PDZRN3: variants seen among roughly 807,000 people sequenced by gnomAD.
PDZRN3 encodes PDZ domain containing ring finger 3.
A neutral mutation model predicts 85.7 loss-of-function variants in PDZRN3; 38 were observed. That is an observed-to-expected ratio of 0.44 (90% CI 0.34 to 0.58). The LOEUF (loss-of-function observed/expected upper bound fraction) is 0.58. PDZRN3 is among the 20% of genes least tolerant of loss of function. PDZRN3 has a pLI of 0.01. For synonymous variants in PDZRN3, 759 were observed against 638.0 expected, an observed-to-expected ratio of 1.19 and a Z score of -2.86; for missense variants, 1,629 against 1,506.4, an observed-to-expected ratio of 1.08 and a Z score of -1.35.
At chr3:73,535,815 T>C (rs1704771691) in intron 3 of PDZRN3, among the ~76,000 whole-genome samples, 2 of 152,210 alleles carry the variant, frequency 1.3e-5, no homozygotes, top group South Asian at 4.1e-4. Context: ...ATACCATTTA[T>C]TACGCACCCA....
Position 73,383,785 on chromosome 3 carries a change from G to A in PDZRN3, c.2781C>T (p.Ser927=), listed in dbSNP as rs762491376. The change falls in exon 10 of 10, where the codon AGC becomes AGT. Residue 927 remains serine (S), a synonymous_variant. Transcript: ENST00000263666. ...TCTTGGTGATGTAGCGCGTCCCGTC[G>A]CTGCGGATCTTCACCTTCCACTCCA... ...PRMEWKVKIR[S]DGTRYITKRP... 5.6e-6 allele frequency: 9 copies of A among 1,613,400 alleles called. No individual in the cohort carries two copies. The highest frequency in any genetic ancestry group is 1.1e-5 in the South Asian group (1 of 91,068).
At chr3:73,536,253 A>G (rs1195349068) in intron 3 of PDZRN3, among the ~76,000 whole-genome samples, 1 of 152,244 alleles carries the variant, frequency 6.6e-6, no homozygotes, top group Non-Finnish European at 1.5e-5. Context: ...TTGAATTAAT[A>G]AAATATCAAG....
At chr3:73,489,581 T>TTTTTTTTTTTTTTTTTTTTTG in intron 3 of PDZRN3, among the ~76,000 whole-genome samples, 1 of 132,892 alleles carries the variant, frequency 7.5e-6, no homozygotes, top group Non-Finnish European at 1.6e-5. Flanking sequence ...TTTTCTTTTT[T>TTTTTTTTTTTTTTTTTTTTTG]TTTTTTTTTG....
chr3:73,398,208 C>T (rs539224519), intron 5 of PDZRN3, among the ~76,000 whole-genome samples: 6 of 152,250 alleles, frequency 3.9e-5, no homozygotes, highest in African/African-American at 7.2e-5. Flanking sequence ...CACATGCCTA[C>T]GAGGGGCTCA....
At chr3:73,470,335 C>A (rs1440753666) in intron 3 of PDZRN3, among the ~76,000 whole-genome samples, 1 of 152,080 alleles carries the variant, frequency 6.6e-6, no homozygotes, top group African/African-American at 2.4e-5. Flanking sequence ...TAAAATTATA[C>A]CAGTGTGGTC....
intron 3 of PDZRN3, among the ~76,000 whole-genome samples, chr3:73,575,954 A>G (rs1702116849): frequency 2.0e-5 from 3 of 152,210 alleles, no homozygotes; most frequent in African/African-American, 7.2e-5. Context: ...GAAATATCAT[A>G]GAAAGAGAGA....
chr3:73,437,223 T>C (rs1166315320), intron 3 of PDZRN3, among the ~76,000 whole-genome samples: 4 of 152,116 alleles, frequency 2.6e-5, no homozygotes, highest in Admixed American at 2.0e-4. Context: ...TTTTATGAAA[T>C]GACTATATTT....
intron 4 of PDZRN3, among the ~76,000 whole-genome samples, chr3:73,402,703 T>C (rs1701773187): frequency 1.3e-5 from 2 of 152,148 alleles, no homozygotes; most frequent in Non-Finnish European, 2.9e-5. Flanking sequence ...CAAGCCTTTA[T>C]CCAGAACTTG....
In PDZRN3 at chr3:73,384,514, C is replaced by T. The variant is rs750175804; in HGVS notation, c.2052G>A (p.Glu684=). Residue 684 remains glutamate, a synonymous_variant, in exon 10 of 10, where the codon GAG becomes GAA. Transcript: ENST00000263666. ...GKSDPESVDK[E]LELLNEELRS... is the part of the protein sequence containing the mutation. ...GCAGCTCTTCGTTCAGCAGCTCCAG[C>T]TCCTTGTCCACGCTCTCAGGGTCAC... is the stretch of plus-strand genomic sequence containing the variant. The T allele has an allele frequency of 2.5e-6, 4 of 1,613,746 alleles. No individual in the cohort carries two copies. In the South Asian group the frequency reaches 4.4e-5, roughly 18 times the overall value.
At chr3:73,406,765 T>C (rs1701863036) in intron 3 of PDZRN3, among the ~76,000 whole-genome samples, 1 of 152,214 alleles carries the variant, frequency 6.6e-6, no homozygotes, top group Non-Finnish European at 1.5e-5. Context: ...CTATGGCATA[T>C]TTTTCCTTTA....
At position 73,384,177 on chromosome 3, in the gene PDZRN3, T is replaced by C; in HGVS notation, c.2389A>G (p.Thr797Ala). 6.2e-7 allele frequency: 1 copy of C among 1,614,030 alleles called. No individual in the cohort carries two copies. Among genetic ancestry groups the C allele is most frequent in the Non-Finnish European group, 8.5e-7 (1 of 1,180,010 alleles). The change falls in exon 10 of 10, where the codon ACC becomes GCC. Residue 797 changes from threonine to alanine, a missense_variant. Physicochemically the swap from Thr to Ala is moderately conservative, Grantham distance 58. Coordinates refer to ENST00000263666, the MANE Select transcript of PDZRN3 (RefSeq NM_015009.3). ...SCPSSEGAVGTTEAYGPASKN... is the reference protein window; with the variant it reads ...SCPSSEGAVGATEAYGPASKN... ...GAGGCTGGCCCGTAGGCTTCCGTGGTCCCCACAGCCCCTTCGCTGCTCGGG... is the reference window on the plus strand; with the variant it reads ...GAGGCTGGCCCGTAGGCTTCCGTGGCCCCCACAGCCCCTTCGCTGCTCGGG...
At chr3:73,559,204 T>C (rs1701765242) in intron 3 of PDZRN3, among the ~76,000 whole-genome samples, 1 of 152,194 alleles carries the variant, frequency 6.6e-6, no homozygotes, top group Non-Finnish European at 1.5e-5. Context: ...GTTGACAATG[T>C]TGTTCTCAAC....
chr3:73,592,787 A>C (rs1702377241), intron 3 of PDZRN3, among the ~76,000 whole-genome samples: 1 of 152,114 alleles, frequency 6.6e-6, no homozygotes, highest in African/African-American at 2.4e-5. Context: ...ATAATTGCAA[A>C]TCAGTGCTTG....
chr3:73,400,710 A>G (rs1292381209), intron 5 of PDZRN3, among the ~76,000 whole-genome samples: 1 of 152,218 alleles, frequency 6.6e-6, no homozygotes, highest in Non-Finnish European at 1.5e-5. Context: ...AAAAGTTTAC[A>G]TTTCTGCTTT....
At position 73,566,232 on chromosome 3, in the gene PDZRN3, T is replaced by G. The variant is rs1031776333; in HGVS notation, c.918+36122A>C. ...ATTTCTTTTCCTGGTTTACACAAAA[T>G]GACACTTCCTCTAGTACGAGGATTG... On this transcript the variant is annotated intron_variant, in intron 3 of 9. Coordinates refer to ENST00000263666, the MANE Select transcript of PDZRN3 (RefSeq NM_015009.3). 2.6e-5 allele frequency among the ~76,000 whole-genome samples: 4 copies of G among 152,218 alleles called. No homozygotes were observed. The East Asian group carries it at 7.7e-4, about 29-fold the overall frequency.
rs182336916 is a variant in PDZRN3 at position 73,456,876 on chromosome 3, C to G, written c.919-52481G>C. ...AAATAATATATAAAGAACTTGATTT[C>G]TGTGCTACGAATTTCTTCTGCTGAT... On this transcript the variant is annotated intron_variant, in intron 3 of 9. Transcript: ENST00000263666. Among the ~76,000 whole-genome samples, 21 of 151,940 alleles carry G rather than the reference C, an allele frequency of 1.4e-4. No individual in the cohort carries two copies. The East Asian group carries it at 3.9e-3, about 28-fold the overall frequency.
At chr3:73,395,161 A>C (rs967158479) in intron 5 of PDZRN3, among the ~76,000 whole-genome samples, 1 of 152,234 alleles carries the variant, frequency 6.6e-6, no homozygotes, top group Non-Finnish European at 1.5e-5. Context: ...GTTTTAAAAC[A>C]AAATACAGTA....
At chr3:73,569,159 T>C in intron 3 of PDZRN3, 1 of 1,289,112 alleles carries the variant, frequency 7.8e-7, no homozygotes, top group Non-Finnish European at 1.0e-6. Flanking sequence ...ACCTGGTTAA[T>C]CATGTTTGAT....
intron 3 of PDZRN3, among the ~76,000 whole-genome samples, chr3:73,509,681 G>T (rs73838550): frequency 6.6e-6 from 1 of 152,170 alleles, no homozygotes; most frequent in Non-Finnish European, 1.5e-5. Flanking sequence ...AGGCTTTTAG[G>T]CCTTTCCAAG....
Sources: allele counts gnomAD v4.1 joint callset (sites outside exome capture counted in the v4.1 genomes callset), GRCh38; gene constraint gnomAD v4.1.1; transcripts MANE v1.5; gene names NCBI Gene and HGNC (gene_info 2026-07-23, HGNC 2026-07-21).